SLC25A26: variants seen among roughly 807,000 people sequenced by gnomAD.
SLC25A26 encodes the protein mitochondrial S-adenosylmethionine carrier protein.
A neutral mutation model predicts 37.8 loss-of-function variants in SLC25A26; 36 were observed. The observed-to-expected ratio is 0.95, with a 90% CI of 0.73 to 1.26. The LOEUF is 1.26. SLC25A26 is among the 50% of genes most tolerant of loss of function. The pLI is 0.00. For missense variants in SLC25A26, 390 were observed against 331.1 expected (o/e 1.18, Z -1.38); for synonymous variants, 129 against 122.5 (o/e 1.05, Z -0.35).
intron 5 of SLC25A26, among the ~76,000 whole-genome samples, chr3:66,324,309 T>C (rs530005736): frequency 2.6e-5 from 4 of 151,874 alleles, no homozygotes; most frequent in African/African-American, 9.7e-5. Flanking sequence ...TTGAAGCTGG[T>C]TTTCTTGCTG....
chr3:66,172,532 G>A (rs769060483), intron 1 of SLC25A26, among the ~76,000 whole-genome samples: 10 of 151,948 alleles, frequency 6.6e-5, no homozygotes, highest in Admixed American at 1.3e-4. Flanking sequence ...AAGACTGGTC[G>A]GGGCTGTATA....
chr3:66,247,186 A>G (rs555672413), intron 3 of SLC25A26, among the ~76,000 whole-genome samples: 90 of 152,118 alleles, frequency 5.9e-4, no homozygotes, highest in African/African-American at 2.0e-3. Context: ...TAAGAGGACA[A>G]TTGGTCAGCA....
At chr3:66,375,703 C>A (rs1700608849) in intron 9 of SLC25A26, among the ~76,000 whole-genome samples, 1 of 152,138 alleles carries the variant, frequency 6.6e-6, no homozygotes, top group Non-Finnish European at 1.5e-5. Context: ...GGAAAAGATT[C>A]CTTTTAAAAT....
chr3:66,183,198 G>A (rs916741181), intron 1 of SLC25A26, among the ~76,000 whole-genome samples: 1 of 151,756 alleles, frequency 6.6e-6, no homozygotes, highest in African/African-American at 2.4e-5. Flanking sequence ...CGCTGACCCT[G>A]ACCCTGATTT....
At chr3:66,145,386 G>T (rs2106676895) in intron 1 of SLC25A26, among the ~76,000 whole-genome samples, 1 of 152,312 alleles carries the variant, frequency 6.6e-6, no homozygotes, top group Middle Eastern at 3.4e-3. Context: ...ACCATATCAG[G>T]TTCTAAAGTG....
chr3:66,307,053 C>T (rs577197264), intron 5 of SLC25A26, among the ~76,000 whole-genome samples: 2 of 152,300 alleles, frequency 1.3e-5, no homozygotes, highest in Admixed American at 6.5e-5. Flanking sequence ...AATGCTATTT[C>T]TGGTTCTAGT....
At chr3:66,366,224 T>G (rs550536457) in intron 7 of SLC25A26, among the ~76,000 whole-genome samples, 1 of 152,364 alleles carries the variant, frequency 6.6e-6, no homozygotes, top group African/African-American at 2.4e-5. Flanking sequence ...CTGTACCAAA[T>G]AATTATTTCC....
chr3:66,316,547 T>C (rs1020949112), intron 5 of SLC25A26, among the ~76,000 whole-genome samples: 1 of 151,584 alleles, frequency 6.6e-6, no homozygotes, highest in Non-Finnish European at 1.5e-5. Context: ...GCCCTTAACA[T>C]TTTTTTTTCT....
rs1350942579 is a variant in SLC25A26, at chr3:66,370,595, C to CT, written c.701dup (p.Ala235GlyfsTer26). The CT allele has an allele frequency of 2.5e-6, 4 of 1,613,544 alleles. No individual in the cohort carries two copies. The highest frequency in any genetic ancestry group is 2.5e-6 in the Non-Finnish European group (3 of 1,179,630). The stretch of plus-strand genomic sequence containing the variant: ...GCATGGGGTCTGGCGGTCACAGGGG[C>CT]TGGCAGGGTAAGACGAGGAATGCCC... On this transcript the variant is annotated frameshift_variant, in exon 9 of 10. Coordinates refer to ENST00000354883, the MANE Select transcript of SLC25A26 (RefSeq NM_001379210.1). LOFTEE classifies it high-confidence loss of function.
intron 3 of SLC25A26, among the ~76,000 whole-genome samples, chr3:66,251,863 C>G (rs2073097716): frequency 6.6e-6 from 1 of 152,088 alleles, no homozygotes; most frequent in Non-Finnish European, 1.5e-5. Flanking sequence ...GGTATTGATT[C>G]ATGACCTGGG....
At chr3:66,345,238 C>T (rs184237599) in intron 5 of SLC25A26, among the ~76,000 whole-genome samples, 68 of 152,266 alleles carry the variant, frequency 4.5e-4, no homozygotes, top group African/African-American at 1.6e-3. Flanking sequence ...TTTTGTTAGA[C>T]CCTCTCCACT....
upstream of SLC25A26, among the ~76,000 whole-genome samples, chr3:66,219,851 G>A (rs554735367): frequency 2.0e-5 from 3 of 152,224 alleles, no homozygotes; most frequent in African/African-American, 4.8e-5. Flanking sequence ...TAATAGTACC[G>A]CATGACAAAG....
chr3:66,221,310 A>G (rs782597877), intron 1 of SLC25A26, 183 bp downstream of exon 1: 2 of 207,868 alleles, frequency 9.6e-6, no homozygotes, highest in Admixed American at 6.5e-5. Context: ...TGTTAAGGCT[A>G]TGTCTGTACT....
intron 1 of SLC25A26, among the ~76,000 whole-genome samples, chr3:66,229,397 C>A (rs146720200): frequency 6.6e-6 from 1 of 152,286 alleles, no homozygotes; most frequent in Non-Finnish European, 1.5e-5. Flanking sequence ...TCCCCATAAT[C>A]CCCATGTGTC....
intron 5 of SLC25A26, among the ~76,000 whole-genome samples, chr3:66,288,022 G>C (rs1428797021): frequency 6.6e-6 from 1 of 152,212 alleles, no homozygotes; most frequent in African/African-American, 2.4e-5. Flanking sequence ...AGTAAGTGTA[G>C]GGTACAGAGG....
chr3:66,312,823 G>T (rs1366677780), intron 5 of SLC25A26, among the ~76,000 whole-genome samples: 2 of 152,166 alleles, frequency 1.3e-5, no homozygotes, highest in Non-Finnish European at 2.9e-5. Context: ...CCCACTGTGG[G>T]CTGCACCCAC....
At chr3:66,200,936 A>G (rs2071100488) in intron 1 of SLC25A26, among the ~76,000 whole-genome samples, 2 of 152,204 alleles carry the variant, frequency 1.3e-5, no homozygotes, top group South Asian at 4.1e-4. Flanking sequence ...CCTATGTGCC[A>G]GACACAGCCC....
chr3:66,251,780 C>G (rs782516536), intron 3 of SLC25A26, among the ~76,000 whole-genome samples: 7 of 152,186 alleles, frequency 4.6e-5, no homozygotes, highest in Non-Finnish European at 1.0e-4. Context: ...AGTTCCTTTT[C>G]TAACATATTT....
intron 1 of SLC25A26, among the ~76,000 whole-genome samples, chr3:66,155,888 T>C (rs997672469): frequency 6.6e-6 from 1 of 152,204 alleles, no homozygotes; most frequent in African/African-American, 2.4e-5. Flanking sequence ...GCTTTGATCA[T>C]ACATGAGACC....
Sources: gnomAD v4.1 joint callset for allele counts (sites outside exome capture counted in the v4.1 genomes callset) on GRCh38, gnomAD v4.1.1 for gene constraint, MANE v1.5 for transcripts, NCBI Gene and HGNC (gene_info 2026-07-23, HGNC 2026-07-21) for gene names.